The following TAF1B variants were observed in gnomAD, a reference collection of about 807,000 sequenced individuals.
TAF1B encodes TATA box-binding protein-associated factor RNA polymerase I subunit B.
A neutral mutation model predicts 83.9 loss-of-function variants in TAF1B; 61 were observed. The ratio of observed to expected loss-of-function variants is 0.73; its 90% CI spans 0.59 to 0.90. The LOEUF (loss-of-function observed/expected upper bound fraction) is 0.90. Ranked by LOEUF, TAF1B falls within the 40% of genes least tolerant of loss-of-function variation. TAF1B has a pLI of 0.00. For missense variants in TAF1B, 625 were observed against 677.0 expected, an observed-to-expected ratio of 0.92 and a Z score of 0.85; for synonymous variants, 221 against 224.6, an observed-to-expected ratio of 0.98 and a Z score of 0.14.
intron 7 of TAF1B, among the ~76,000 whole-genome samples, chr2:9,877,840 T>C (rs1664369806): frequency 6.6e-6 from 1 of 151,060 alleles, no homozygotes; most frequent in Non-Finnish European, 1.5e-5. Context: ...TCCCTCCCTC[T>C]TTTCTCCTCT....
rs780082892 is a variant in TAF1B at position 9,919,638 on chromosome 2, C to G, written c.1383C>G (p.Val461=). The change falls in exon 14 of 15, where the codon GTC becomes GTG. Residue 461 remains valine, a synonymous_variant. Coordinates refer to ENST00000263663, the MANE Select transcript of TAF1B (RefSeq NM_005680.3). ...TACAGAAACAATTTAGCACACTGGT[C>G]GAGTCAACAGCAACTGCTGGAAAAA... ...VNLQKQFSTL[V]ESTATAGKKS... 2.5e-6 allele frequency: 4 copies of G among 1,613,924 alleles called. No individual in the cohort carries two copies. The highest frequency in any genetic ancestry group is 2.2e-5 in the East Asian group (1 of 44,864).
intron 5 of TAF1B, among the ~76,000 whole-genome samples, chr2:9,858,827 T>C (rs1346632710): frequency 1.3e-5 from 2 of 152,210 alleles, no homozygotes; most frequent in Admixed American, 6.5e-5. Flanking sequence ...ATCCTGAGGC[T>C]GCACAAAGTA....
chr2:9,871,521 C>T (rs535979390), intron 6 of TAF1B, among the ~76,000 whole-genome samples: 29 of 152,226 alleles, frequency 1.9e-4, no homozygotes, highest in Non-Finnish European at 3.8e-4. Context: ...AGAATATTAA[C>T]GATATTTCAT....
Position 9,892,245 on chromosome 2 carries a change from C to G in TAF1B, c.807+9440C>G, listed in dbSNP as rs181978421. Among the ~76,000 whole-genome samples the G allele has an allele frequency of 1.1e-4, 16 of 152,276 alleles. No homozygotes were observed. In the East Asian group the frequency reaches 3.1e-3, roughly 29 times the overall value. On this transcript the variant is annotated intron_variant, in intron 8 of 14. Coordinates refer to ENST00000263663, the MANE Select transcript of TAF1B (RefSeq NM_005680.3). Reference sequence around the variant, plus strand: ...ATGTTTGTAACCTGGGAGTAGTAGGCTATCTCATATAGCCTAGGTGTGTAC... The same window carrying G: ...ATGTTTGTAACCTGGGAGTAGTAGGGTATCTCATATAGCCTAGGTGTGTAC...
At chr2:9,882,645 C>G in intron 7 of TAF1B, 61 bp from the exon 8 acceptor site, 1 of 1,074,120 alleles carries the variant, frequency 9.3e-7, no homozygotes, top group Non-Finnish European at 1.3e-6. Context: ...TTTCTTAAAG[C>G]ATTTACTCTG....
chr2:9,876,326 T>TG (rs1404990150), intron 7 of TAF1B, among the ~76,000 whole-genome samples: 1 of 151,846 alleles, frequency 6.6e-6, no homozygotes, highest in Non-Finnish European at 1.5e-5. Context: ...TTAGTAAATA[T>TG]TTTTCATTTC....
At chr2:9,847,978 A>G (rs1428093277) in intron 2 of TAF1B, among the ~76,000 whole-genome samples, 1 of 152,232 alleles carries the variant, frequency 6.6e-6, no homozygotes, top group Non-Finnish European at 1.5e-5. Context: ...TAAATATTCC[A>G]TAATGGCCAT....
intron 14 of TAF1B, among the ~76,000 whole-genome samples, chr2:9,931,368 G>A (rs1167725411): frequency 1.3e-5 from 2 of 152,150 alleles, no homozygotes; most frequent in Non-Finnish European, 2.9e-5. Flanking sequence ...GCCTGGTGGT[G>A]ACAGAATCTC....
At chr2:9,927,607 T>C (rs1558272486) in intron 14 of TAF1B, among the ~76,000 whole-genome samples, 1 of 152,244 alleles carries the variant, frequency 6.6e-6, no homozygotes, top group Non-Finnish European at 1.5e-5. Context: ...TGATTTGCAT[T>C]TCTCTGATGG....
chr2:9,874,952 G>A (rs1056139798), intron 6 of TAF1B, among the ~76,000 whole-genome samples: 7 of 151,146 alleles, frequency 4.6e-5, no homozygotes, highest in East Asian at 1.9e-4. Flanking sequence ...AAATTCAAAC[G>A]TTCAAATTCT....
intron 5 of TAF1B, among the ~76,000 whole-genome samples, chr2:9,858,536 C>G (rs1280726982): frequency 3.9e-5 from 6 of 152,236 alleles, no homozygotes; most frequent in African/African-American, 1.4e-4. Flanking sequence ...GGGCTCCAAC[C>G]CCACATTTCT....
intron 14 of TAF1B, among the ~76,000 whole-genome samples, chr2:9,927,164 T>C (rs1666067937): frequency 6.6e-6 from 1 of 152,182 alleles, no homozygotes; most frequent in Non-Finnish European, 1.5e-5. Context: ...AATGATGGTT[T>C]CCAGCTTCAT....
chr2:9,925,382 G>A (rs1666005264), intron 14 of TAF1B, among the ~76,000 whole-genome samples: 1 of 151,998 alleles, frequency 6.6e-6, no homozygotes, highest in African/African-American at 2.4e-5. Context: ...GGAGCTTGCA[G>A]TGAGCCAAGA....
At chr2:9,882,495 G>A (rs1664540904) in intron 7 of TAF1B, among the ~76,000 whole-genome samples, 1 of 152,170 alleles carries the variant, frequency 6.6e-6, no homozygotes, top group African/African-American at 2.4e-5. Context: ...AGGAACTTAA[G>A]AGAATCATTC....
intron 5 of TAF1B, among the ~76,000 whole-genome samples, chr2:9,864,793 A>G (rs1258181553): frequency 6.6e-6 from 1 of 152,092 alleles, no homozygotes; most frequent in African/African-American, 2.4e-5. Flanking sequence ...ACATACAAAA[A>G]TCAATAAACA....
At chr2:9,923,673 C>G (rs575308970) in intron 14 of TAF1B, among the ~76,000 whole-genome samples, 11 of 122,572 alleles carry the variant, frequency 9.0e-5, no homozygotes, top group Non-Finnish European at 1.8e-4. Flanking sequence ...GAGCGAAACT[C>G]TGTCTCAAAA....
At chr2:9,863,884 G>A (rs1663868572) in intron 5 of TAF1B, among the ~76,000 whole-genome samples, 1 of 152,148 alleles carries the variant, frequency 6.6e-6, no homozygotes, top group Admixed American at 6.5e-5. Flanking sequence ...AAATAAAGAT[G>A]TTCTTTGAAA....
At chr2:9,887,696 T>A (rs1213451803) in intron 8 of TAF1B, among the ~76,000 whole-genome samples, 1 of 152,214 alleles carries the variant, frequency 6.6e-6, no homozygotes, top group African/African-American at 2.4e-5. Flanking sequence ...TCTCTGCCTT[T>A]TAATTCGTGT....
At chr2:9,908,621 A>T (rs1289955540) in intron 9 of TAF1B, among the ~76,000 whole-genome samples, 1 of 152,224 alleles carries the variant, frequency 6.6e-6, no homozygotes, top group Non-Finnish European at 1.5e-5. Flanking sequence ...GTAGACACTC[A>T]GTAAATGCTT....
Sources: allele counts gnomAD v4.1 joint callset (sites outside exome capture counted in the v4.1 genomes callset), GRCh38; gene constraint gnomAD v4.1.1; transcripts MANE v1.5; gene names NCBI Gene and HGNC (gene_info 2026-07-23, HGNC 2026-07-21).